IL31RA: variants seen among roughly 807,000 people sequenced by gnomAD.
IL31RA encodes interleukin-31 receptor subunit alpha.
In IL31RA, 66 loss-of-function variants were observed where a neutral mutation model predicts 83.7. That is an observed-to-expected ratio of 0.79 (90% CI 0.65 to 0.97). IL31RA has a LOEUF of 0.97. IL31RA is among the 50% of genes least tolerant of loss of function. The pLI, the probability that IL31RA is intolerant of heterozygous loss-of-function variation, is 0.00. For missense variants in IL31RA, 798 were observed against 919.4 expected (o/e 0.87, Z 1.71); for synonymous variants, 325 against 329.0 (o/e 0.99, Z 0.13).
In IL31RA at chr5:55,917,226, C is replaced by T. The variant is rs1749844278; in HGVS notation, c.*106C>T. 2 of 1,597,340 alleles carry T rather than the reference C, an allele frequency of 1.3e-6. No individual in the cohort carries two copies. The highest frequency in any genetic ancestry group is 1.7e-6 in the Non-Finnish European group (2 of 1,177,716). ...GCTTGCTTGGCCCTGCCACATCCTG[C>T]CTAGGTTAAAGTTTCCCCTGCCCCT... On this transcript the variant is annotated 3_prime_UTR_variant, in exon 15 of 15. Coordinates refer to ENST00000652347, the MANE Select transcript of IL31RA (RefSeq NM_139017.7).
intron 14 of IL31RA, among the ~76,000 whole-genome samples, chr5:55,915,442 A>G (rs964116980): frequency 2.5e-4 from 38 of 152,170 alleles, no homozygotes; most frequent in Non-Finnish European, 4.4e-5. Flanking sequence ...TTTTCTAGTG[A>G]GTATTCCTTA....
chr5:55,881,874 G>A (rs1033484705), intron 4 of IL31RA, among the ~76,000 whole-genome samples: 1 of 151,568 alleles, frequency 6.6e-6, no homozygotes, highest in Non-Finnish European at 1.5e-5. Flanking sequence ...CACCATGCCC[G>A]GCTAATTTTT....
At chr5:55,881,312 AG>A (rs1245008173) in intron 4 of IL31RA, among the ~76,000 whole-genome samples, 28 of 142,242 alleles carry the variant, frequency 2.0e-4, no homozygotes, top group Admixed American at 1.9e-3. Flanking sequence ...AAAAAAAAAA[AG>A]AAAAAGATAA....
At chr5:55,868,633 C>G (rs1313609515) in intron 2 of IL31RA, among the ~76,000 whole-genome samples, 158 bp from the exon 3 acceptor site, 1 of 152,188 alleles carries the variant, frequency 6.6e-6, no homozygotes, top group African/African-American at 2.4e-5. Context: ...AAGTTAGATT[C>G]TTTCCATTGA....
chr5:55,859,298 C>T (rs565706418), intron 1 of IL31RA, among the ~76,000 whole-genome samples: 1 of 152,024 alleles, frequency 6.6e-6, no homozygotes, highest in African/African-American at 2.4e-5. Flanking sequence ...AGACGATGGA[C>T]GAAAGGAAAA....
chr5:55,875,953 A>G (rs1470807903), intron 4 of IL31RA, among the ~76,000 whole-genome samples: 1 of 152,238 alleles, frequency 6.6e-6, no homozygotes, highest in East Asian at 1.9e-4. Context: ...ATTTTTTTTA[A>G]TCCTTTAATG....
chr5:55,861,703 C>A (rs1164466055), intron 2 of IL31RA, among the ~76,000 whole-genome samples: 1 of 152,132 alleles, frequency 6.6e-6, no homozygotes, highest in East Asian at 1.9e-4. Context: ...CTTCTAATTA[C>A]AGACACTGTG....
chr5:55,845,870 C>T, the IL31RA span, among the ~76,000 whole-genome samples: 1 of 152,138 alleles, frequency 6.6e-6, no homozygotes, highest in African/African-American at 2.4e-5. Flanking sequence ...AATGGTTACT[C>T]CCCTCTGTCC....
intron 1 of IL31RA, among the ~76,000 whole-genome samples, chr5:55,859,004 C>A (rs951004943): frequency 6.6e-6 from 1 of 152,094 alleles, no homozygotes; most frequent in South Asian, 2.1e-4. Context: ...CATCTCCATG[C>A]GGGAATTCAG....
chr5:55,894,181 T>C (rs1748193441), intron 6 of IL31RA, among the ~76,000 whole-genome samples: 1 of 151,972 alleles, frequency 6.6e-6, no homozygotes, highest in Non-Finnish European at 1.5e-5. Flanking sequence ...CTCCACATGA[T>C]TGGAACAGAG....
chr5:55,859,611 TGG>T lies in IL31RA; in HGVS notation c.154+14_154+15del. Reference sequence around the variant, plus strand: ...ATTCAGCCTGGCAGGTAGGTTGACCTGGGCCCTTTTACAGATCATGTGATTAT... The same window carrying T: ...ATTCAGCCTGGCAGGTAGGTTGACCTGCCCTTTTACAGATCATGTGATTAT... On this transcript the variant is annotated intron_variant, in intron 2 of 14. Transcript: ENST00000652347. 1 of 1,565,000 alleles carries T rather than the reference TGG, an allele frequency of 6.4e-7. No individual in the cohort carries two copies. Among genetic ancestry groups the T allele is most frequent in the South Asian group, 1.1e-5 (1 of 90,056 alleles).
In IL31RA at chr5:55,922,792, A is replaced by G. The variant is rs1250578369; in HGVS notation, c.*5672A>G. On this transcript the variant is annotated 3_prime_UTR_variant, in exon 15 of 15. Transcript: ENST00000652347. ...TTCTATACTATTTTCATGTAATACT[A>G]TACTTCTATACTATTTTCATGTAAT... The G allele has an allele frequency of 4.8e-6, 1 of 207,872 alleles. No homozygotes were observed. The highest frequency in any genetic ancestry group is 2.3e-5 in the African/African-American group (1 of 43,250). 12.9% of individuals were successfully genotyped at this position (207,872 alleles called of 1,614,324 possible). A position where few individuals can be genotyped will look rare whatever the true frequency, so the allele number is the denominator to read the frequency against.
intron 6 of IL31RA, among the ~76,000 whole-genome samples, chr5:55,891,765 T>C (rs1262568224): frequency 1.2e-5 from 1 of 83,362 alleles, no homozygotes; most frequent in Non-Finnish European, 2.1e-5. Context: ...GACAAGATTT[T>C]TTTTTTTTTT....
At chr5:55,853,532 G>T (rs1370771868) in intron 1 of IL31RA, 1 of 1,550,882 alleles carries the variant, frequency 6.4e-7, no homozygotes, top group African/African-American at 1.4e-5. Context: ...CTTTGAGCCA[G>T]CAGAACATCT....
chr5:55,910,717 C>T (rs1365669508), intron 12 of IL31RA, 45 bp downstream of exon 12: 2 of 1,605,136 alleles, frequency 1.2e-6, no homozygotes, highest in South Asian at 1.1e-5. Context: ...CTCACGTTTA[C>T]CTTACATCAG....
intron 14 of IL31RA, among the ~76,000 whole-genome samples, chr5:55,916,297 C>A (rs1384015377): frequency 1.3e-5 from 2 of 151,660 alleles, no homozygotes; most frequent in Non-Finnish European, 2.9e-5. Context: ...GAAGAATTAC[C>A]TGAGGCTGAG....
At chr5:55,850,815 G>A (rs1228530846), upstream of IL31RA, among the ~76,000 whole-genome samples, 1 of 152,248 alleles carries the variant, frequency 6.6e-6, no homozygotes, top group Non-Finnish European at 1.5e-5. Context: ...ATACTGCTGA[G>A]CGTGGTGGCT....
chr5:55,848,012 C>T (rs1374345535), upstream of IL31RA, among the ~76,000 whole-genome samples: 1 of 152,170 alleles, frequency 6.6e-6, no homozygotes, highest in Admixed American at 6.5e-5. Flanking sequence ...AAATACCTTT[C>T]TTGTCACATT....
In IL31RA at chr5:55,919,162, A is replaced by T. The variant is rs1350524739; in HGVS notation, c.*2042A>T. Reference sequence around the variant, plus strand: ...TAGCCTTGCCTCCTGTCTTGGCCCGAGGATGGGGGAGGGCACGGGTACCCC... The same window carrying T: ...TAGCCTTGCCTCCTGTCTTGGCCCGTGGATGGGGGAGGGCACGGGTACCCC... On this transcript the variant is annotated 3_prime_UTR_variant, in exon 15 of 15. Transcript: ENST00000652347. Among the ~76,000 whole-genome samples the T allele has an allele frequency of 6.6e-6, 1 of 152,120 alleles. No homozygotes were observed. Among genetic ancestry groups the T allele is most frequent in the African/African-American group, 2.4e-5 (1 of 41,416 alleles).
Sources: allele counts gnomAD v4.1 joint callset (sites outside exome capture counted in the v4.1 genomes callset), GRCh38; gene constraint gnomAD v4.1.1; transcripts MANE v1.5; gene names NCBI Gene and HGNC (gene_info 2026-07-23, HGNC 2026-07-21).